The following ARIH1 variants were observed in gnomAD, a reference collection of about 807,000 sequenced individuals.
The protein encoded by ARIH1 is E3 ubiquitin-protein ligase ARIH1.
ARIH1 carries 8 observed loss-of-function variants against 85.0 expected under a neutral mutation model. That is an observed-to-expected ratio of 0.09 (90% CI 0.06 to 0.17). ARIH1 has a LOEUF of 0.17. Ranked by LOEUF, ARIH1 falls within the 10% of genes least tolerant of loss-of-function variation. ARIH1 has a pLI of 1.00. For missense variants in ARIH1, 311 were observed against 718.1 expected (o/e 0.43, Z 6.48); for synonymous variants, 238 against 253.6 (o/e 0.94, Z 0.59).
chr15:72,474,540 G>A lies in ARIH1; in HGVS notation c.-100G>A, dbSNP rs1414494952. 3 of 1,393,078 alleles carry A rather than the reference G, an allele frequency of 2.2e-6. No homozygotes were observed. Among genetic ancestry groups the A allele is most frequent in the African/African-American group, 3.0e-5 (2 of 66,214 alleles). The allele number at this position is 1,393,078 out of a possible 1,614,324, so 86.3% of individuals were successfully genotyped here. A position where few individuals can be genotyped will look rare whatever the true frequency, so the allele number is the denominator to read the frequency against. On this transcript the variant is annotated 5_prime_UTR_variant, in exon 1 of 14. Coordinates refer to ENST00000379887, the MANE Select transcript of ARIH1 (RefSeq NM_005744.5). The stretch of plus-strand genomic sequence containing the variant: ...CTCGCGGGGCCGGAGCCAGGCCTGC[G>A]TCCGGACATCAGCCGGAGCCGGAGC...
At chr15:72,515,003 A>G (rs1395990922) in intron 1 of ARIH1, among the ~76,000 whole-genome samples, 1 of 152,040 alleles carries the variant, frequency 6.6e-6, no homozygotes, top group African/African-American at 2.4e-5. Flanking sequence ...AACAAAAAAG[A>G]TAATTTCACA....
At chr15:72,548,831 C>T (rs1396217363) in intron 3 of ARIH1, among the ~76,000 whole-genome samples, 1 of 152,078 alleles carries the variant, frequency 6.6e-6, no homozygotes, top group African/African-American at 2.4e-5. Flanking sequence ...TTTATCCTTC[C>T]AGAAAGCAAT....
intron 9 of ARIH1, among the ~76,000 whole-genome samples, chr15:72,568,548 T>G (rs1022747206): frequency 6.6e-6 from 1 of 152,198 alleles, no homozygotes; most frequent in Non-Finnish European, 1.5e-5. Flanking sequence ...TAAAACAAAT[T>G]TAGCTGCTCA....
At chr15:72,503,070 ACTAGGTGCTT>A (rs2063910255) in intron 1 of ARIH1, among the ~76,000 whole-genome samples, 1 of 152,208 alleles carries the variant, frequency 6.6e-6, no homozygotes. Context: ...CCTTAGCCCC[ACTAGGTGCTT>A]CTCTGTCCTA....
At chr15:72,478,836 A>G (rs1254093864) in intron 1 of ARIH1, among the ~76,000 whole-genome samples, 2 of 152,178 alleles carry the variant, frequency 1.3e-5, no homozygotes, top group African/African-American at 4.8e-5. Flanking sequence ...GGTATACCTA[A>G]TCAAAAAATC....
chr15:72,484,659 ATG>A (rs1317033916), intron 1 of ARIH1, among the ~76,000 whole-genome samples: 2 of 151,288 alleles, frequency 1.3e-5, no homozygotes, highest in African/African-American at 4.9e-5. Flanking sequence ...GTATATATAT[ATG>A]TGTGTGTATA....
intron 11 of ARIH1, among the ~76,000 whole-genome samples, chr15:72,576,018 T>TTG (rs1340222834): frequency 6.6e-6 from 1 of 152,108 alleles, no homozygotes; most frequent in Non-Finnish European, 1.5e-5. Context: ...CGCGCCCAAC[T>TTG]TGTGTTGGTT....
intron 1 of ARIH1, among the ~76,000 whole-genome samples, chr15:72,496,504 CTG>C (rs2063880992): frequency 6.6e-6 from 1 of 152,146 alleles, no homozygotes; most frequent in Non-Finnish European, 1.5e-5. Context: ...TTTGAAGAAA[CTG>C]TGTGGCCTGG....
At position 72,494,531 on chromosome 15, in the gene ARIH1, G is replaced by A. The variant is rs548247494; in HGVS notation, c.375+19517G>A. ...CTGGGAAGTAGAGTGGTAGGAGCTG[G>A]GGCTAGACAGGCAGTGTGATCAGAT... On this transcript the variant is annotated intron_variant, in intron 1 of 13. Coordinates refer to ENST00000379887, the MANE Select transcript of ARIH1 (RefSeq NM_005744.5). Among the ~76,000 whole-genome samples the A allele has an allele frequency of 3.3e-5, 5 of 152,236 alleles. No individual in the cohort carries two copies. In the South Asian group the frequency reaches 8.3e-4, roughly 25 times the overall value.
intron 1 of ARIH1, among the ~76,000 whole-genome samples, chr15:72,501,261 T>G (rs2063902223): frequency 6.6e-6 from 1 of 152,208 alleles, no homozygotes; most frequent in Non-Finnish European, 1.5e-5. Context: ...AAAAATAGAA[T>G]TTTTCTTAGA....
intron 1 of ARIH1, among the ~76,000 whole-genome samples, chr15:72,482,632 T>C (rs2063820711): frequency 6.6e-6 from 1 of 152,188 alleles, no homozygotes; most frequent in Non-Finnish European, 1.5e-5. Flanking sequence ...TTAGATTCTT[T>C]TGGGGTTGAC....
At position 72,593,035 on chromosome 15, in the gene ARIH1, T is replaced by A. The variant is rs1045308582; in HGVS notation, c.*9743T>A. ...TACCATTTTGTACTCCTATCAGTGA[T>A]GTATGAGAGTTACAGTTGCTTCACA... is the stretch of plus-strand genomic sequence containing the variant. On this transcript the variant is annotated 3_prime_UTR_variant, in exon 14 of 14. Coordinates refer to ENST00000379887, the MANE Select transcript of ARIH1 (RefSeq NM_005744.5). The A allele has an allele frequency of 6.6e-6, 1 of 152,210 alleles. No homozygotes were observed. The highest frequency in any genetic ancestry group is 1.5e-5 in the Non-Finnish European group (1 of 68,022). The allele number at this position is 152,210 out of a possible 1,614,324, so 9.4% of individuals were successfully genotyped here.
At chr15:72,553,986 TGTGCAA>T (rs1242050794) in intron 3 of ARIH1, among the ~76,000 whole-genome samples, 1 of 152,196 alleles carries the variant, frequency 6.6e-6, no homozygotes, top group Non-Finnish European at 1.5e-5. Context: ...GAAATTTCAC[TGTGCAA>T]GTGATAGGAG....
chr15:72,528,397 G>A (rs1289790485), intron 2 of ARIH1, among the ~76,000 whole-genome samples: 1 of 152,086 alleles, frequency 6.6e-6, no homozygotes, highest in Non-Finnish European at 1.5e-5. Flanking sequence ...TTAATACTTG[G>A]ATGTGATTAT....
chr15:72,491,499 G>A (rs1482873790), intron 1 of ARIH1, among the ~76,000 whole-genome samples: 1 of 151,990 alleles, frequency 6.6e-6, no homozygotes, highest in African/African-American at 2.4e-5. Flanking sequence ...TATTCACGTT[G>A]TACCCACAAA....
At chr15:72,524,743 A>G (rs531108583) in intron 2 of ARIH1, among the ~76,000 whole-genome samples, 45 of 152,240 alleles carry the variant, frequency 3.0e-4, no homozygotes, top group Non-Finnish European at 4.4e-4. Flanking sequence ...TGAAAATGGT[A>G]GGACATCATT....
intron 1 of ARIH1, among the ~76,000 whole-genome samples, chr15:72,476,464 ATGCAATTCTCC>A: frequency 6.6e-6 from 1 of 152,200 alleles, no homozygotes; most frequent in East Asian, 1.9e-4. Flanking sequence ...TGCCGGGTTC[ATGCAATTCTCC>A]TGCCTCGGCC....
chr15:72,485,993 A>G (rs777953532), intron 1 of ARIH1, among the ~76,000 whole-genome samples: 49 of 152,302 alleles, frequency 3.2e-4, no homozygotes, highest in Non-Finnish European at 6.0e-4. Context: ...CATTATTTTC[A>G]GTGTTTTAAA....
At chr15:72,567,215 TGATAAG>T in intron 9 of ARIH1, 38 bp downstream of exon 9, 2 of 1,535,556 alleles carry the variant, frequency 1.3e-6, no homozygotes, top group Non-Finnish European at 1.8e-6. Context: ...GTAATAAAAA[TGATAAG>T]GATTGGTACT....
Sources: allele counts gnomAD v4.1 joint callset (sites outside exome capture counted in the v4.1 genomes callset), GRCh38; gene constraint gnomAD v4.1.1; transcripts MANE v1.5; gene names NCBI Gene and HGNC (gene_info 2026-07-23, HGNC 2026-07-21).